Variants in DDA1 observed in about 807,000 individuals in gnomAD.
DDA1 encodes DET1- and DDB1-associated protein 1.
A neutral mutation model predicts 18.6 loss-of-function variants in DDA1; 3 were observed. The ratio of observed to expected loss-of-function variants is 0.16; its 90% CI spans 0.07 to 0.42. DDA1 has a LOEUF of 0.42. Among genes scored for constraint, DDA1 ranks in the 10% least tolerant of loss-of-function variants. DDA1 has a pLI of 0.99. For synonymous variants in DDA1, 52 were observed against 54.0 expected, an observed-to-expected ratio of 0.96 and a Z score of 0.17; for missense variants, 105 against 138.2, an observed-to-expected ratio of 0.76 and a Z score of 1.20.
chr19:17,315,429 C>CATAT (rs56662339), intron 3 of DDA1, among the ~76,000 whole-genome samples: 1,604 of 52,006 alleles, frequency 0.031, 107 homozygotes, highest in African/African-American at 0.091. Flanking sequence ...TGTGTGTGTG[C>CATAT]ATATATATAT....
At position 17,316,929 on chromosome 19, in the gene DDA1, CAT is replaced by C. The variant is rs2074216240; in HGVS notation, c.198+935_198+936del. ...TTTTCTGAATGGTGAAATGTGTACACATGATTAAAAATCTCAGCTGGGCGTGG... is the reference window on the plus strand; with the variant it reads ...TTTTCTGAATGGTGAAATGTGTACACGATTAAAAATCTCAGCTGGGCGTGG... On this transcript the variant is annotated intron_variant, in intron 4 of 4. Transcript: ENST00000359866. Among the ~76,000 whole-genome samples, 3 of 151,732 alleles carry C rather than the reference CAT, an allele frequency of 2.0e-5. No homozygotes were observed. In the South Asian group the frequency reaches 6.3e-4, roughly 32 times the overall value.
chr19:17,316,120 G>A, intron 4 of DDA1, 125 bp downstream of exon 4: 1 of 1,084,870 alleles, frequency 9.2e-7, no homozygotes, highest in Non-Finnish European at 1.4e-6. Flanking sequence ...GGGTAGGAGT[G>A]CCCTGGGCGA....
intron 3 of DDA1, among the ~76,000 whole-genome samples, chr19:17,315,428 G>GTATATATATATATATATATA (rs1568354197): frequency 1.1e-4 from 8 of 71,350 alleles, no homozygotes; most frequent in African/African-American, 6.7e-4. Flanking sequence ...GTGTGTGTGT[G>GTATATATATATATATATATA]CATATATATA....
At chr19:17,310,056 G>A in intron 1 of DDA1, 1 of 230,624 alleles carries the variant, frequency 4.3e-6, no homozygotes. Context: ...GGGCGGGGGA[G>A]GGGGCTTGGC....
Position 17,320,714 on chromosome 19 carries a change from G to C in DDA1, c.*1058G>C, listed in dbSNP as rs527597771. ...CATCTGGCCGGTCTTGCTGTCCTAG[G>C]TGGTGGCCTCACCCTTGCTGGGTCA... On this transcript the variant is annotated 3_prime_UTR_variant, in exon 5 of 5. Coordinates refer to ENST00000359866, the MANE Select transcript of DDA1 (RefSeq NM_024050.6). 1 of 152,604 alleles carries C rather than the reference G, an allele frequency of 6.6e-6. No homozygotes were observed. The highest frequency in any genetic ancestry group is 2.4e-5 in the African/African-American group (1 of 41,590). The allele number at this position is 152,604 out of a possible 1,614,324, so 9.5% of individuals were successfully genotyped here. A position where few individuals can be genotyped will look rare whatever the true frequency, so the allele number is the denominator to read the frequency against.
chr19:17,317,694 T>C (rs569619050), intron 4 of DDA1, among the ~76,000 whole-genome samples: 3 of 143,992 alleles, frequency 2.1e-5, no homozygotes, highest in Non-Finnish European at 3.0e-5. Context: ...AAAAACAAAT[T>C]AGCTGGCTGT....
intron 4 of DDA1, among the ~76,000 whole-genome samples, chr19:17,318,156 A>C (rs757866002): frequency 5.3e-5 from 8 of 151,872 alleles, no homozygotes; most frequent in Non-Finnish European, 1.2e-4. Flanking sequence ...AGGTTCAAGC[A>C]ATTCTCCTGC....
At position 17,322,220 on chromosome 19, in the gene DDA1, C is replaced by G. The variant is rs1362326241; in HGVS notation, c.*2564C>G. The G allele has an allele frequency of 6.5e-6, 1 of 153,168 alleles. No homozygotes were observed. Among genetic ancestry groups the G allele is most frequent in the Non-Finnish European group, 1.5e-5 (1 of 68,632 alleles). The allele number at this position is 153,168 out of a possible 1,614,324, so 9.5% of individuals were successfully genotyped here. ...CGGGCACCTCCTTCCCCTCCCCTAC[C>G]TCAGCTCCCTCCTTTGGGGTCTGAG... On this transcript the variant is annotated 3_prime_UTR_variant, in exon 5 of 5. Coordinates refer to ENST00000359866, the MANE Select transcript of DDA1 (RefSeq NM_024050.6).
At chr19:17,313,241 G>A (rs1175001813) in intron 1 of DDA1, among the ~76,000 whole-genome samples, 1 of 151,982 alleles carries the variant, frequency 6.6e-6, no homozygotes, top group Non-Finnish European at 1.5e-5. Context: ...GACTGAGACT[G>A]GGTAACCTCT....
In DDA1 at chr19:17,315,409, C is replaced by CGTGTGT. The variant is rs781595425; in HGVS notation, c.137-511_137-506dup. On this transcript the variant is annotated intron_variant, in intron 3 of 4. Transcript: ENST00000359866. ...TATATACACACTATATATATACATACGTGTGTGTGTGTGTGTGTGCATATA... is the reference window on the plus strand; with the variant it reads ...TATATACACACTATATATATACATACGTGTGTGTGTGTGTGTGTGTGTGTGCATATA... Among the ~76,000 whole-genome samples the CGTGTGT allele has an allele frequency of 3.2e-3, 141 of 43,504 alleles. 3 individuals are homozygous for CGTGTGT. Among genetic ancestry groups the CGTGTGT allele is most frequent in the Middle Eastern group, 9.3e-3 (1 of 108 alleles). 28.5% of individuals were successfully genotyped at this position (43,504 alleles called of 152,430 possible). A position where few individuals can be genotyped will look rare whatever the true frequency, so the allele number is the denominator to read the frequency against.
intron 1 of DDA1, among the ~76,000 whole-genome samples, chr19:17,312,286 G>A (rs2074182679): frequency 6.6e-6 from 1 of 152,122 alleles, no homozygotes; most frequent in Non-Finnish European, 1.5e-5. Context: ...TCTTCCCTTG[G>A]GGAGGTACCA....
chr19:17,310,105 A>G (rs2074172230), intron 1 of DDA1: 1 of 174,024 alleles, frequency 5.7e-6, no homozygotes, highest in Non-Finnish European at 1.2e-5. Context: ...AGGAAGTGCG[A>G]CATCGCCGAT....
intron 4 of DDA1, among the ~76,000 whole-genome samples, chr19:17,316,682 G>A (rs2074214804): frequency 6.6e-6 from 1 of 151,568 alleles, no homozygotes; most frequent in Admixed American, 6.6e-5. Context: ...AGACCATCCT[G>A]GCTAACATAG....
At chr19:17,313,049 T>TCTGAATA in intron 1 of DDA1, among the ~76,000 whole-genome samples, 1 of 152,270 alleles carries the variant, frequency 6.6e-6, no homozygotes, top group South Asian at 2.1e-4. Context: ...TGGGAAATTG[T>TCTGAATA]CTGAATAGCA....
In DDA1 at chr19:17,321,597, T is replaced by A. The variant is rs1258229184; in HGVS notation, c.*1941T>A. ...TTTTGAGAGCTGAGTCTGAGGGCGT[T>A]GGGATGGTGTAGGGTTGGGCCACAG... On this transcript the variant is annotated 3_prime_UTR_variant, in exon 5 of 5. Transcript: ENST00000359866. 6.6e-6 allele frequency: 1 copy of A among 152,470 alleles called. No individual in the cohort carries two copies. Among genetic ancestry groups the A allele is most frequent in the Admixed American group, 6.5e-5 (1 of 15,292 alleles). 9.4% of individuals were successfully genotyped at this position (152,470 alleles called of 1,614,324 possible).
At chr19:17,315,456 T>TATATATG (rs2074208754) in intron 3 of DDA1, among the ~76,000 whole-genome samples, 1 of 63,538 alleles carries the variant, frequency 1.6e-5, no homozygotes, top group Admixed American at 1.2e-4. Flanking sequence ...ATATATATAT[T>TATATATG]AGCCGGGCGT....
chr19:17,312,430 G>A (rs772383994), intron 1 of DDA1, among the ~76,000 whole-genome samples: 9 of 152,258 alleles, frequency 5.9e-5, no homozygotes, highest in Non-Finnish European at 1.2e-4. Flanking sequence ...AGGTTAGCAG[G>A]TATTTGCCAC....
chr19:17,319,439 A>T, intron 4 of DDA1, 107 bp from the exon 5 acceptor site: 1 of 826,662 alleles, frequency 1.2e-6, no homozygotes, highest in Non-Finnish European at 2.0e-6. Context: ...ATGTGCCTGT[A>T]GTCCTAGCTA....
intron 4 of DDA1, among the ~76,000 whole-genome samples, chr19:17,316,683 G>A (rs917776367): frequency 2.0e-5 from 3 of 151,556 alleles, no homozygotes; most frequent in Non-Finnish European, 4.4e-5. Flanking sequence ...GACCATCCTG[G>A]CTAACATAGT....
Sources: allele counts gnomAD v4.1 joint callset (sites outside exome capture counted in the v4.1 genomes callset), GRCh38; gene constraint gnomAD v4.1.1; transcripts MANE v1.5; gene names NCBI Gene and HGNC (gene_info 2026-07-23, HGNC 2026-07-21).